COL11A1: variants seen among roughly 807,000 people sequenced by gnomAD.
COL11A1 encodes collagen type XI alpha 1 chain.
A neutral mutation model predicts 265.2 loss-of-function variants in COL11A1; 74 were observed. The observed-to-expected ratio is 0.28, with a 90% CI of 0.23 to 0.34. The LOEUF (loss-of-function observed/expected upper bound fraction) is 0.34, where lower values mean the gene tolerates loss of function less well. COL11A1 is among the 10% of genes least tolerant of loss of function. The pLI, the probability that COL11A1 is intolerant of heterozygous loss-of-function variation, is 1.00. For synonymous variants in COL11A1, 816 were observed against 727.6 expected, an observed-to-expected ratio of 1.12 and a Z score of -1.96; for missense variants, 2,165 against 2,263.6, an observed-to-expected ratio of 0.96 and a Z score of 0.88.
intron 28 of COL11A1, among the ~76,000 whole-genome samples, chr1:102,995,369 T>G (rs1664524161): frequency 6.6e-6 from 1 of 152,148 alleles, no homozygotes; most frequent in Non-Finnish European, 1.5e-5. Context: ...ATCTCTCTCA[T>G]TAACACTATT....
intron 64 of COL11A1, among the ~76,000 whole-genome samples, chr1:102,882,490 C>T (rs1650386738): frequency 6.6e-6 from 1 of 152,124 alleles, no homozygotes; most frequent in African/African-American, 2.4e-5. Context: ...TACTCAGAAA[C>T]TTAACTTTTC....
At chr1:102,879,556 A>G in intron 66 of COL11A1, 127 bp downstream of exon 66, 1 of 802,794 alleles carries the variant, frequency 1.2e-6, no homozygotes, top group East Asian at 2.6e-5. Flanking sequence ...ACATGTCAAG[A>G]TTAAGCAACA....
At chr1:102,912,019 A>G (rs1243939743) in intron 54 of COL11A1, 140 bp downstream of exon 54, 1 of 706,032 alleles carries the variant, frequency 1.4e-6, no homozygotes, top group Non-Finnish European at 2.4e-6. Flanking sequence ...ATTATTTGGC[A>G]CATTTAAAAA....
intron 45 of COL11A1, 68 bp from the exon 46 acceptor site, chr1:102,934,624 G>T: frequency 7.9e-7 from 1 of 1,266,358 alleles, no homozygotes; most frequent in East Asian, 2.3e-5. Context: ...ATTAAAAAAT[G>T]TGGCCATTTC....
chr1:102,878,503 T>TATATATATATATATG (rs1553191037), intron 66 of COL11A1, among the ~76,000 whole-genome samples: 1 of 127,476 alleles, frequency 7.8e-6, no homozygotes, highest in Non-Finnish European at 1.7e-5. Flanking sequence ...TATATATATA[T>TATATATATATATATG]TCTTTTTCTT....
At chr1:103,084,855 C>G (rs1426377452) in intron 1 of COL11A1, among the ~76,000 whole-genome samples, 1 of 152,134 alleles carries the variant, frequency 6.6e-6, no homozygotes, top group African/African-American at 2.4e-5. Flanking sequence ...TGATATAAAC[C>G]AGAGTTAAGT....
intron 47 of COL11A1, 80 bp from the exon 48 acceptor site, chr1:102,921,651 C>T: frequency 8.2e-7 from 1 of 1,221,220 alleles, no homozygotes; most frequent in Non-Finnish European, 1.2e-6. Context: ...ACTGAAAAAT[C>T]TAAAAGAAGT....
chr1:102,981,846 G>A (rs1413362886), intron 31 of COL11A1, among the ~76,000 whole-genome samples: 1 of 151,730 alleles, frequency 6.6e-6, no homozygotes, highest in African/African-American at 2.4e-5. Flanking sequence ...TAGCACATGT[G>A]GTGCTACATC....
intron 4 of COL11A1, among the ~76,000 whole-genome samples, chr1:103,058,481 G>A (rs769056315): frequency 2.6e-5 from 4 of 152,084 alleles, no homozygotes; most frequent in Non-Finnish European, 5.9e-5. Flanking sequence ...TGGATTCACA[G>A]GGCACAAAAG....
chr1:103,089,252 C>T (rs947270538), intron 1 of COL11A1, among the ~76,000 whole-genome samples: 2 of 152,248 alleles, frequency 1.3e-5, no homozygotes, highest in Admixed American at 6.5e-5. Flanking sequence ...GGTTGAAACT[C>T]GGTGGCTTCA....
chr1:102,893,209 C>T (rs1032514761), intron 57 of COL11A1, among the ~76,000 whole-genome samples: 1 of 152,082 alleles, frequency 6.6e-6, no homozygotes, highest in Non-Finnish European at 1.5e-5. Context: ...AAGAAAAGAA[C>T]TACTAGTGAT....
intron 46 of COL11A1, among the ~76,000 whole-genome samples, chr1:102,930,823 G>A (rs1218170644): frequency 1.3e-5 from 2 of 151,454 alleles, no homozygotes; most frequent in Non-Finnish European, 3.0e-5. Flanking sequence ...AGTCTTGGGA[G>A]AGTGTATGTG....
At chr1:102,968,574 A>G (rs1241428344) in intron 37 of COL11A1, among the ~76,000 whole-genome samples, 1 of 152,240 alleles carries the variant, frequency 6.6e-6, no homozygotes, top group African/African-American at 2.4e-5. Context: ...GATAATAAAT[A>G]TATGGCAAAG....
At chr1:102,976,630 T>C (rs1404838888) in intron 35 of COL11A1, among the ~76,000 whole-genome samples, 5 of 152,040 alleles carry the variant, frequency 3.3e-5, no homozygotes, top group Non-Finnish European at 1.5e-5. Flanking sequence ...TCAAAATAGT[T>C]TCCAGGTGGG....
intron 1 of COL11A1, among the ~76,000 whole-genome samples, chr1:103,091,139 A>T (rs1673285079): frequency 6.6e-6 from 1 of 152,114 alleles, no homozygotes; most frequent in South Asian, 2.1e-4. Flanking sequence ...ATTGCATAGA[A>T]ATTGATATAA....
At chr1:102,900,881 TTA>T (rs1224374306) in intron 54 of COL11A1, among the ~76,000 whole-genome samples, 1 of 152,174 alleles carries the variant, frequency 6.6e-6, no homozygotes, top group Admixed American at 6.6e-5. Context: ...TATTTATTCC[TTA>T]TATGTTTTCC....
At chr1:102,903,461 T>G (rs1393893379) in intron 54 of COL11A1, among the ~76,000 whole-genome samples, 1 of 152,146 alleles carries the variant, frequency 6.6e-6, no homozygotes, top group Non-Finnish European at 1.5e-5. Context: ...AAATTGTGGC[T>G]TTTTTATTGT....
intron 4 of COL11A1, among the ~76,000 whole-genome samples, chr1:103,036,924 A>G (rs1254060951): frequency 2.6e-5 from 4 of 152,174 alleles, no homozygotes; most frequent in Non-Finnish European, 5.9e-5. Context: ...CAGTATGGGT[A>G]TAGAGTGAAA....
chr1:102,890,279 A>G (rs141512250), intron 58 of COL11A1, among the ~76,000 whole-genome samples, 172 bp downstream of exon 58: 426 of 152,214 alleles, frequency 2.8e-3, no homozygotes, highest in Non-Finnish European at 4.7e-3. Flanking sequence ...CACTATTTGC[A>G]TATTTTCTCC....
Sources: allele counts gnomAD v4.1 joint callset (sites outside exome capture counted in the v4.1 genomes callset), GRCh38; gene constraint gnomAD v4.1.1; transcripts MANE v1.5; gene names NCBI Gene and HGNC (gene_info 2026-07-23, HGNC 2026-07-21).